The following ATP8B4 variants were observed in gnomAD, a reference collection of about 807,000 sequenced individuals.
ATP8B4 encodes probable phospholipid-transporting ATPase IM.
A neutral mutation model predicts 145.6 loss-of-function variants in ATP8B4; 133 were observed. That is an observed-to-expected ratio of 0.91 (90% CI 0.79 to 1.05). The LOEUF is 1.05. Among genes scored for constraint, ATP8B4 ranks in the 50% least tolerant of loss-of-function variants. The probability of loss-of-function intolerance (pLI) is 0.00; values close to 1 mark genes in which losing one functional copy is unlikely to be tolerated. For missense variants in ATP8B4, 1,458 were observed against 1,425.2 expected, an observed-to-expected ratio of 1.02 and a Z score of -0.37; for synonymous variants, 507 against 492.9, an observed-to-expected ratio of 1.03 and a Z score of -0.38.
At chr15:50,143,209 G>A (rs1236320880) in intron 1 of ATP8B4, among the ~76,000 whole-genome samples, 2 of 152,190 alleles carry the variant, frequency 1.3e-5, no homozygotes, top group Non-Finnish European at 2.9e-5. Flanking sequence ...CCAACACTTA[G>A]TGGCTTAAAA....
chr15:50,170,596 C>T lies in ATP8B4; in HGVS notation c.-43+11665G>A, dbSNP rs573464018. On this transcript the variant is annotated intron_variant, in intron 1 of 3. Transcript: ENST00000558829. The stretch of plus-strand genomic sequence containing the variant: ...GAACCTCTTTAAAGCATAAATCACA[C>T]AGGACTTATAAAACAAAACTACAAG... Among the ~76,000 whole-genome samples, 9 of 146,470 alleles carry T rather than the reference C, an allele frequency of 6.1e-5. 1 individual carries two copies. The South Asian group carries it at 6.6e-4, about 11-fold the overall frequency.
chr15:50,084,994 T>C (rs558601428), intron 2 of ATP8B4, among the ~76,000 whole-genome samples: 39 of 152,298 alleles, frequency 2.6e-4, no homozygotes, highest in South Asian at 6.2e-4. Context: ...TGGGACGTCA[T>C]TGGGGCAAGG....
At chr15:50,007,331 C>T (rs901415161) in intron 7 of ATP8B4, among the ~76,000 whole-genome samples, 2 of 152,176 alleles carry the variant, frequency 1.3e-5, no homozygotes, top group African/African-American at 2.4e-5. Flanking sequence ...ACTCTGGTAG[C>T]CCAGACTCAA....
intron 1 of ATP8B4, among the ~76,000 whole-genome samples, chr15:50,117,527 A>G (rs2057191181): frequency 6.6e-6 from 1 of 152,206 alleles, no homozygotes. Context: ...TTGTTCCCTC[A>G]TTTTTAAATA....
chr15:50,009,530 T>C, intron 7 of ATP8B4: 1 of 360,054 alleles, frequency 2.8e-6, no homozygotes, highest in South Asian at 2.1e-5. Context: ...ATAAAGTCTT[T>C]ACTGTCACTG....
Position 49,942,136 on chromosome 15 carries a change from C to T in ATP8B4, c.1288-7954G>A, listed in dbSNP as rs552682104. 6.6e-5 allele frequency among the ~76,000 whole-genome samples: 10 copies of T among 152,200 alleles called. No homozygotes were observed. The South Asian group carries it at 1.2e-3, about 19-fold the overall frequency. Reference sequence around the variant, plus strand: ...GAGTGCACTGTAATCTCAGACTTCACGACTGCAATTCATCCATGTAACCAA... The same window carrying T: ...GAGTGCACTGTAATCTCAGACTTCATGACTGCAATTCATCCATGTAACCAA... On this transcript the variant is annotated intron_variant, in intron 14 of 27. Coordinates refer to ENST00000284509, the MANE Select transcript of ATP8B4 (RefSeq NM_024837.4).
At chr15:50,166,008 C>CACACACACA (rs59587584) in intron 1 of ATP8B4, among the ~76,000 whole-genome samples, 6 of 146,832 alleles carry the variant, frequency 4.1e-5, no homozygotes, top group Non-Finnish European at 7.5e-5. Context: ...CACACACACA[C>CACACACACA]CTCATCTAAC....
At chr15:49,982,533 G>A (rs1299680241) in intron 10 of ATP8B4, 1 of 152,046 alleles carries the variant, frequency 6.6e-6, no homozygotes, top group Non-Finnish European at 1.5e-5. Context: ...ACTTAGATGG[G>A]AGACTGGGGA....
At chr15:49,952,659 A>C (rs531378931) in intron 14 of ATP8B4, among the ~76,000 whole-genome samples, 1 of 152,174 alleles carries the variant, frequency 6.6e-6, no homozygotes, top group Admixed American at 6.5e-5. Flanking sequence ...TTAGCTCATC[A>C]TAGTTTTTTA....
intron 20 of ATP8B4, among the ~76,000 whole-genome samples, chr15:49,909,088 G>A (rs2038942741): frequency 6.6e-6 from 1 of 152,050 alleles, no homozygotes; most frequent in Admixed American, 6.5e-5. Context: ...CTGGACAGCG[G>A]GGAGAAGGGG....
intron 1 of ATP8B4, among the ~76,000 whole-genome samples, chr15:50,140,423 T>G (rs542561989): frequency 6.6e-6 from 1 of 152,148 alleles, no homozygotes; most frequent in Non-Finnish European, 1.5e-5. Context: ...CATAATTATA[T>G]CCCTGTCTAC....
intron 1 of ATP8B4, among the ~76,000 whole-genome samples, chr15:50,154,502 TTAAC>T (rs1195085164): frequency 6.6e-6 from 1 of 152,182 alleles, no homozygotes; most frequent in Non-Finnish European, 1.5e-5. Context: ...AATCAGCAAT[TTAAC>T]TAGGAGTAAC....
intron 1 of ATP8B4, among the ~76,000 whole-genome samples, chr15:50,115,590 A>G (rs2153674796): frequency 6.6e-6 from 1 of 152,014 alleles, no homozygotes; most frequent in Non-Finnish European, 1.5e-5. Flanking sequence ...AAGGGAAGGA[A>G]GGTTTGCGGA....
At chr15:49,966,839 G>T (rs1015862229) in intron 13 of ATP8B4, among the ~76,000 whole-genome samples, 2 of 152,170 alleles carry the variant, frequency 1.3e-5, no homozygotes, top group East Asian at 3.9e-4. Flanking sequence ...ATCTCCCAGC[G>T]GAGGTCGACA....
At chr15:50,091,158 G>T (rs1201735015) in intron 2 of ATP8B4, among the ~76,000 whole-genome samples, 1 of 151,974 alleles carries the variant, frequency 6.6e-6, no homozygotes, top group African/African-American at 2.4e-5. Flanking sequence ...TTTATATTGG[G>T]AAGTTCTGTT....
chr15:49,972,881 T>C (rs2045301666), intron 12 of ATP8B4, 91 bp from the exon 13 acceptor site: 1 of 1,292,760 alleles, frequency 7.7e-7, no homozygotes, highest in Non-Finnish European at 1.1e-6. Context: ...TCTGCCAAAG[T>C]CTCCAGGGGT....
intron 14 of ATP8B4, among the ~76,000 whole-genome samples, 189 bp downstream of exon 14, chr15:49,961,788 A>G (rs1010151556): frequency 3.9e-5 from 6 of 152,154 alleles, no homozygotes; most frequent in African/African-American, 1.2e-4. Context: ...TAAAAAATAG[A>G]AGGAACTCTG....
chr15:50,042,254 T>C (rs934795426), intron 5 of ATP8B4, among the ~76,000 whole-genome samples: 18 of 152,192 alleles, frequency 1.2e-4, no homozygotes, highest in African/African-American at 4.3e-4. Context: ...AGTTATATCC[T>C]GTGTATTCTT....
At chr15:50,157,810 A>T (rs1244729166) in intron 1 of ATP8B4, among the ~76,000 whole-genome samples, 1 of 152,070 alleles carries the variant, frequency 6.6e-6, no homozygotes, top group African/African-American at 2.4e-5. Context: ...GCCAAGCCAA[A>T]GCTGGACTGT....
Sources: gnomAD v4.1 joint callset for allele counts (sites outside exome capture counted in the v4.1 genomes callset) on GRCh38, gnomAD v4.1.1 for gene constraint, MANE v1.5 for transcripts, NCBI Gene and HGNC (gene_info 2026-07-23, HGNC 2026-07-21) for gene names.